Variants in FAM13A observed in about 807,000 individuals in gnomAD.
FAM13A encodes protein FAM13A.
In FAM13A, 76 loss-of-function variants were observed where a neutral mutation model predicts 129.6. The ratio of observed to expected loss-of-function variants is 0.59; its 90% CI spans 0.49 to 0.71. FAM13A has a LOEUF of 0.71. Among genes scored for constraint, FAM13A ranks in the 30% least tolerant of loss-of-function variants. FAM13A has a pLI of 0.00. For synonymous variants in FAM13A, 443 were observed against 449.9 expected, an observed-to-expected ratio of 0.98 and a Z score of 0.20; for missense variants, 1,108 against 1,249.3, an observed-to-expected ratio of 0.89 and a Z score of 1.70.
In FAM13A at chr4:89,052,381, C is replaced by T. The variant is rs184460811; in HGVS notation, c.27+4557G>A. ...TGTGCAGGTTAGTTACATATGTATACATGTGTCATGCTGGTGTGCTGCACC... is the reference window on the plus strand; with the variant it reads ...TGTGCAGGTTAGTTACATATGTATATATGTGTCATGCTGGTGTGCTGCACC... On this transcript the variant is annotated intron_variant, in intron 1 of 23. Coordinates refer to ENST00000264344, the MANE Select transcript of FAM13A (RefSeq NM_014883.4). Among the ~76,000 whole-genome samples the T allele has an allele frequency of 1.6e-3, 239 of 150,570 alleles. 1 individual carries two copies. The highest frequency in any genetic ancestry group is 9.4e-3 in the South Asian group (45 of 4,770).
chr4:88,905,844 G>C (rs1359077006), intron 6 of FAM13A: 1 of 152,198 alleles, frequency 6.6e-6, no homozygotes, highest in Admixed American at 6.6e-5. Context: ...TACAACCATG[G>C]ATTAAAGGTA....
In FAM13A at chr4:88,778,498, G is replaced by C. The variant is rs73844120; in HGVS notation, c.1458+2667C>G. ...TCCAGGGGGAACCATTCATGTTTTA[G>C]TTGATGGGAACAGTGCTCTCTAGAT... On this transcript the variant is annotated intron_variant, in intron 11 of 23. Coordinates refer to ENST00000264344, the MANE Select transcript of FAM13A (RefSeq NM_014883.4). Among the ~76,000 whole-genome samples, 1,253 of 152,272 alleles carry C rather than the reference G, an allele frequency of 8.2e-3. 20 individuals carry two copies. The highest frequency in any genetic ancestry group is 0.028 in the African/African-American group (1,171 of 41,532).
intron 21 of FAM13A, among the ~76,000 whole-genome samples, chr4:88,734,236 C>T (rs200827121): frequency 1.1e-4 from 16 of 152,242 alleles, no homozygotes; most frequent in East Asian, 1.9e-4. Flanking sequence ...GCAGACCCTA[C>T]GAAAGGAAAG....
intron 1 of FAM13A, among the ~76,000 whole-genome samples, chr4:89,039,761 C>A (rs945263230): frequency 6.6e-6 from 1 of 151,914 alleles, no homozygotes; most frequent in Non-Finnish European, 1.5e-5. Flanking sequence ...CCAGCCTGGG[C>A]AACAAAGTGA....
At chr4:89,027,512 T>TA (rs35923372) in intron 2 of FAM13A, among the ~76,000 whole-genome samples, 31,846 of 144,548 alleles carry the variant, frequency 0.22, 3,503 homozygotes, top group East Asian at 0.41. Flanking sequence ...TCTGTCCCTT[T>TA]AAAAAAAAAA....
intron 6 of FAM13A, among the ~76,000 whole-genome samples, chr4:88,875,953 A>G (rs529891726): frequency 2.0e-5 from 3 of 152,350 alleles, no homozygotes; most frequent in African/African-American, 7.2e-5. Context: ...ATGGAATACT[A>G]TGCAGCCACA....
rs1415225314 is a variant in FAM13A, at chr4:88,845,993, A to G, written c.1007+5027T>C. ...ACATAAGCAGACATTTTCTTTATAT[A>G]TTCTTCATATTATTTTAGATAAATA... On this transcript the variant is annotated intron_variant, in intron 7 of 23. Coordinates refer to ENST00000264344, the MANE Select transcript of FAM13A (RefSeq NM_014883.4). Among the ~76,000 whole-genome samples the G allele has an allele frequency of 2.0e-5, 3 of 152,180 alleles. No homozygotes were observed. In the East Asian group the frequency reaches 5.8e-4, roughly 29 times the overall value.
chr4:88,924,353 C>G (rs1049604573), intron 5 of FAM13A, among the ~76,000 whole-genome samples: 186 of 152,076 alleles, frequency 1.2e-3, no homozygotes, highest in Middle Eastern at 6.8e-3. Context: ...TACCAAAACA[C>G]AGATATAGAT....
At chr4:88,956,345 CAT>C (rs1056882715) in intron 4 of FAM13A, among the ~76,000 whole-genome samples, 1 of 152,196 alleles carries the variant, frequency 6.6e-6, no homozygotes, top group African/African-American at 2.4e-5. Context: ...ACATGCTGCA[CAT>C]GTTTGCAGAC....
chr4:89,052,064 T>A (rs992519275), intron 1 of FAM13A, among the ~76,000 whole-genome samples: 1 of 152,084 alleles, frequency 6.6e-6, no homozygotes, highest in African/African-American at 2.4e-5. Flanking sequence ...CAGGCTACTA[T>A]GTCTCATGCA....
At chr4:88,944,551 C>T (rs553277138) in intron 4 of FAM13A, among the ~76,000 whole-genome samples, 128 of 152,144 alleles carry the variant, frequency 8.4e-4, no homozygotes, top group African/African-American at 1.9e-3. Context: ...TATTAGATGC[C>T]GCAGGCAAAG....
chr4:88,828,882 T>C (rs550253106), intron 7 of FAM13A, among the ~76,000 whole-genome samples: 80 of 152,360 alleles, frequency 5.3e-4, no homozygotes, highest in Middle Eastern at 3.4e-3. Flanking sequence ...TAAGATTCTA[T>C]CCAAAACTTC....
chr4:88,966,276 T>A (rs540455430), intron 4 of FAM13A, among the ~76,000 whole-genome samples: 2 of 152,280 alleles, frequency 1.3e-5, no homozygotes, highest in African/African-American at 4.8e-5. Flanking sequence ...GTGAGCTACA[T>A]CCCTCCCTCC....
intron 14 of FAM13A, among the ~76,000 whole-genome samples, chr4:88,754,053 G>A (rs1329818645): frequency 1.3e-5 from 2 of 152,222 alleles, no homozygotes; most frequent in African/African-American, 4.8e-5. Context: ...ACACTGGACT[G>A]TCTTGCTAAA....
chr4:88,876,105 C>T (rs375983956), intron 6 of FAM13A, among the ~76,000 whole-genome samples: 1 of 152,092 alleles, frequency 6.6e-6, no homozygotes, highest in Non-Finnish European at 1.5e-5. Context: ...AACACTTGGA[C>T]ACAGGGTGGG....
intron 7 of FAM13A, among the ~76,000 whole-genome samples, chr4:88,818,785 C>G (rs931771131): frequency 6.6e-5 from 10 of 152,162 alleles, no homozygotes; most frequent in Non-Finnish European, 1.5e-4. Context: ...AGAGTGCCAA[C>G]AAGTTAGGAA....
intron 4 of FAM13A, among the ~76,000 whole-genome samples, chr4:88,977,142 CA>C (rs1761028260): frequency 1.3e-5 from 2 of 152,086 alleles, no homozygotes; most frequent in Admixed American, 1.3e-4. Flanking sequence ...AGGTTAACAA[CA>C]ATAACTAATA....
chr4:88,783,250 C>T (rs1723300923), intron 10 of FAM13A, among the ~76,000 whole-genome samples: 1 of 151,900 alleles, frequency 6.6e-6, no homozygotes, highest in South Asian at 2.1e-4. Flanking sequence ...ATCCATTAAC[C>T]TAGCTTTTGG....
chr4:88,896,862 C>T (rs1382971566), intron 6 of FAM13A, among the ~76,000 whole-genome samples: 4 of 152,122 alleles, frequency 2.6e-5, no homozygotes, highest in Admixed American at 6.5e-5. Flanking sequence ...AAAGTCAAAA[C>T]GGAAATAGAT....
Sources: allele counts gnomAD v4.1 joint callset (sites outside exome capture counted in the v4.1 genomes callset), GRCh38; gene constraint gnomAD v4.1.1; transcripts MANE v1.5; gene names NCBI Gene and HGNC (gene_info 2026-07-23, HGNC 2026-07-21).